The following THRB variants were observed in gnomAD, a reference collection of about 807,000 sequenced individuals.
THRB encodes nuclear receptor subfamily 1 group A member 2.
In THRB, 12 loss-of-function variants were observed where a neutral mutation model predicts 47.8. That is an observed-to-expected ratio of 0.25 (90% CI 0.16 to 0.41). The LOEUF (loss-of-function observed/expected upper bound fraction) is 0.41, where lower values mean the gene tolerates loss of function less well. THRB is among the 10% of genes least tolerant of loss of function. THRB has a pLI of 1.00. For synonymous variants in THRB, 218 were observed against 212.2 expected (o/e 1.03, Z -0.24); for missense variants, 348 against 589.2 (o/e 0.59, Z 4.24).
At chr3:24,401,957 G>T (rs1326021263) in intron 1 of THRB, among the ~76,000 whole-genome samples, 1 of 152,034 alleles carries the variant, frequency 6.6e-6, no homozygotes, top group Non-Finnish European at 1.5e-5. Flanking sequence ...GAGAACTGAG[G>T]ATGAACACCT....
chr3:24,221,612 T>C (rs1033477104), intron 4 of THRB, among the ~76,000 whole-genome samples: 27 of 152,134 alleles, frequency 1.8e-4, no homozygotes, highest in African/African-American at 6.5e-4. Context: ...CTGTAAAGGG[T>C]GACTTCTAGG....
intron 1 of THRB, among the ~76,000 whole-genome samples, chr3:24,389,653 G>A (rs2149952948): frequency 6.6e-6 from 1 of 152,024 alleles, no homozygotes; most frequent in East Asian, 1.9e-4. Flanking sequence ...TTTTTCCAAG[G>A]ATCTTTCTAC....
chr3:24,300,336 T>C (rs1559871667), intron 2 of THRB, among the ~76,000 whole-genome samples: 2 of 152,326 alleles, frequency 1.3e-5, no homozygotes, highest in East Asian at 3.9e-4. Flanking sequence ...CTGGCCATGA[T>C]AAAACCTAAT....
intron 6 of THRB, among the ~76,000 whole-genome samples, chr3:24,150,346 G>A (rs142728752): frequency 3.2e-4 from 49 of 152,174 alleles, no homozygotes; most frequent in African/African-American, 1.1e-3. Flanking sequence ...TGAAAAACTC[G>A]TTTGTCTTTT....
intron 4 of THRB, among the ~76,000 whole-genome samples, chr3:24,204,716 G>C (rs1436110769): frequency 3.3e-5 from 5 of 152,138 alleles, no homozygotes; most frequent in Admixed American, 6.5e-5. Flanking sequence ...AGCTAAAGGA[G>C]GAAATTTGAA....
At chr3:24,194,216 C>A (rs1193751037) in intron 4 of THRB, among the ~76,000 whole-genome samples, 2 of 152,156 alleles carry the variant, frequency 1.3e-5, no homozygotes, top group Non-Finnish European at 2.9e-5. Flanking sequence ...GAAATCACCA[C>A]TGAAGAACTT....
intron 1 of THRB, among the ~76,000 whole-genome samples, chr3:24,385,800 G>T (rs2066053194): frequency 6.6e-6 from 1 of 152,086 alleles, no homozygotes; most frequent in East Asian, 1.9e-4. Flanking sequence ...AGAGCTTCTA[G>T]AAAATTTCCA....
At chr3:24,283,349 T>C (rs1233413681) in intron 3 of THRB, among the ~76,000 whole-genome samples, 2 of 151,790 alleles carry the variant, frequency 1.3e-5, no homozygotes, top group African/African-American at 2.4e-5. Flanking sequence ...ATTATCTCAA[T>C]AGATGCAGAA....
At chr3:24,253,569 A>G (rs2050887017) in intron 3 of THRB, among the ~76,000 whole-genome samples, 1 of 152,180 alleles carries the variant, frequency 6.6e-6, no homozygotes, top group East Asian at 1.9e-4. Flanking sequence ...CTGCTGGCCT[A>G]ACTGTCTCTT....
chr3:24,450,861 C>T (rs1225427513), intron 1 of THRB, among the ~76,000 whole-genome samples: 1 of 152,150 alleles, frequency 6.6e-6, no homozygotes, highest in East Asian at 1.9e-4. Flanking sequence ...AGGATTAATC[C>T]ATGCAGCTCT....
At chr3:24,124,382 G>A (rs1414399542) in intron 10 of THRB, among the ~76,000 whole-genome samples, 1 of 152,076 alleles carries the variant, frequency 6.6e-6, no homozygotes, top group East Asian at 1.9e-4. Context: ...CTTTCTTTGA[G>A]TGTGCAAGAA....
intron 9 of THRB, among the ~76,000 whole-genome samples, chr3:24,132,008 C>T (rs1213865295): frequency 2.0e-5 from 3 of 152,144 alleles, no homozygotes; most frequent in African/African-American, 7.2e-5. Context: ...GGTATGGCTT[C>T]TGTGGAGGCT....
At chr3:24,324,734 C>A (rs1034030231) in intron 2 of THRB, among the ~76,000 whole-genome samples, 2 of 152,116 alleles carry the variant, frequency 1.3e-5, no homozygotes, top group African/African-American at 2.4e-5. Context: ...TGTAAATGAA[C>A]CAAGGCCAAG....
intron 4 of THRB, among the ~76,000 whole-genome samples, chr3:24,191,363 AAATAT>A (rs138868800): frequency 0.03 from 4,624 of 152,098 alleles, 207 homozygotes; most frequent in African/African-American, 0.095. Flanking sequence ...AAATTAGAAA[AAATAT>A]AATATAAATA....
chr3:24,411,763 T>C (rs73039994), intron 1 of THRB, among the ~76,000 whole-genome samples: 2,667 of 151,718 alleles, frequency 0.018, 32 homozygotes, highest in Non-Finnish European at 0.028. Flanking sequence ...TACTGGAAAC[T>C]AGTGGGGGAT....
intron 1 of THRB, among the ~76,000 whole-genome samples, chr3:24,414,221 A>G (rs1479745536): frequency 6.6e-6 from 1 of 151,920 alleles, no homozygotes; most frequent in African/African-American, 2.4e-5. Context: ...TTTAAAGAGA[A>G]AAGTCTGTTT....
At chr3:24,318,664 G>A (rs895110316) in intron 2 of THRB, among the ~76,000 whole-genome samples, 5 of 152,186 alleles carry the variant, frequency 3.3e-5, no homozygotes, top group African/African-American at 1.2e-4. Context: ...CAAAGTATGT[G>A]CCCAATAAAT....
chr3:24,477,728 A>G (rs939191795), intron 1 of THRB, among the ~76,000 whole-genome samples: 1 of 151,930 alleles, frequency 6.6e-6, no homozygotes, highest in South Asian at 2.1e-4. Flanking sequence ...GCAGCAAAAG[A>G]AGGCAACATC....
At chr3:24,473,079 T>C (rs1368459414) in intron 1 of THRB, among the ~76,000 whole-genome samples, 2 of 152,082 alleles carry the variant, frequency 1.3e-5, no homozygotes, top group African/African-American at 2.4e-5. Flanking sequence ...AGGATGAGTA[T>C]TATAATTAAG....
Sources: allele counts gnomAD v4.1 joint callset (sites outside exome capture counted in the v4.1 genomes callset), GRCh38; gene constraint gnomAD v4.1.1; transcripts MANE v1.5; gene names NCBI Gene and HGNC (gene_info 2026-07-23, HGNC 2026-07-21).